Variants in PACRG observed in about 807,000 individuals in gnomAD.
PACRG encodes parkin coregulated gene protein.
Under a neutral mutation model 29.7 loss-of-function variants are expected in PACRG, and 29 were observed. The ratio of observed to expected loss-of-function variants is 0.98; its 90% CI spans 0.73 to 1.33. The LOEUF (loss-of-function observed/expected upper bound fraction) is 1.33. Ranked by LOEUF, PACRG falls within the 40% of genes most tolerant of loss-of-function variation. The pLI is 0.00. For synonymous variants in PACRG, 116 were observed against 118.7 expected (o/e 0.98, Z 0.15); for missense variants, 279 against 316.2 (o/e 0.88, Z 0.89).
rs536465785 is a variant in PACRG, at chr6:163,242,019, AT to A, written c.614-72801del. ...AATTGCTTTTATCCAAGTTAAAACA[AT>A]TTTTTTAAACCAATGATGTTAGCTG... is the stretch of plus-strand genomic sequence containing the variant. On this transcript the variant is annotated intron_variant, in intron 4 of 4. Coordinates refer to ENST00000366888, the MANE Select transcript of PACRG (RefSeq NM_001080379.2). Among the ~76,000 whole-genome samples the A allele has an allele frequency of 4.1e-3, 626 of 152,292 alleles. 5 individuals are homozygous for A. The highest frequency in any genetic ancestry group is 0.014 in the African/African-American group (600 of 41,572).
intron 4 of PACRG, among the ~76,000 whole-genome samples, chr6:163,142,965 A>G (rs1345632540): frequency 6.6e-6 from 1 of 152,224 alleles, no homozygotes; most frequent in African/African-American, 2.4e-5. Flanking sequence ...GAGACCTGAG[A>G]ACTAAATGCA....
At position 162,959,013 on chromosome 6, in the gene PACRG, C is replaced by T. The variant is rs145612896; in HGVS notation, c.292-103137C>T. Among the ~76,000 whole-genome samples the T allele has an allele frequency of 1.7e-3, 259 of 149,930 alleles. 1 individual carries two copies. The highest frequency in any genetic ancestry group is 5.9e-3 in the African/African-American group (240 of 40,620). On this transcript the variant is annotated intron_variant, in intron 2 of 4. Coordinates refer to ENST00000366888, the MANE Select transcript of PACRG (RefSeq NM_001080379.2). ...GCTCCCTGAATCCTAGAACTCCTGA[C>T]TCAAGCAATCCTGCCTCAGCCTCCG...
chr6:163,035,812 C>CAAAA lies in PACRG; in HGVS notation c.292-26319_292-26316dup, dbSNP rs1156795173. Among the ~76,000 whole-genome samples, 165 of 64,220 alleles carry CAAAA rather than the reference C, an allele frequency of 2.6e-3. 2 individuals carry two copies. The highest frequency in any genetic ancestry group is 8.9e-3 in the African/African-American group (150 of 16,888). 42.1% of individuals were successfully genotyped at this position (64,220 alleles called of 152,430 possible). A position where few individuals can be genotyped will look rare whatever the true frequency, so the allele number is the denominator to read the frequency against. On this transcript the variant is annotated intron_variant, in intron 2 of 4. Transcript: ENST00000366888. ...GGGTGACAAGAGTGAGACTCTGTCTCAAAAAAAAAAAAAAAAAAAAAACAA... is the reference window on the plus strand; with the variant it reads ...GGGTGACAAGAGTGAGACTCTGTCTCAAAAAAAAAAAAAAAAAAAAAAAAAACAA...
At chr6:163,049,906 A>G (rs1250344629) in intron 2 of PACRG, among the ~76,000 whole-genome samples, 2 of 152,084 alleles carry the variant, frequency 1.3e-5, no homozygotes, top group Non-Finnish European at 2.9e-5. Flanking sequence ...ATGTATACCC[A>G]TTGATAAAAC....
chr6:163,012,305 C>A (rs371254582), intron 2 of PACRG, among the ~76,000 whole-genome samples: 31 of 152,284 alleles, frequency 2.0e-4, no homozygotes, highest in African/African-American at 6.7e-4. Context: ...GGAAACTCAG[C>A]ATCTGCAAAG....
At chr6:163,135,735 T>A (rs1373156123) in intron 4 of PACRG, among the ~76,000 whole-genome samples, 1 of 152,206 alleles carries the variant, frequency 6.6e-6, no homozygotes, top group Non-Finnish European at 1.5e-5. Flanking sequence ...TGTGGCCAAA[T>A]GGCTCTCCGA....
chr6:163,291,043 C>T (rs566331096), intron 4 of PACRG, among the ~76,000 whole-genome samples: 2 of 152,208 alleles, frequency 1.3e-5, no homozygotes, highest in African/African-American at 2.4e-5. Context: ...CCTCAAATGC[C>T]GGTGTTCCTG....
intron 4 of PACRG, among the ~76,000 whole-genome samples, chr6:163,135,773 G>A (rs986827746): frequency 5.3e-5 from 8 of 152,206 alleles, no homozygotes; most frequent in African/African-American, 1.9e-4. Context: ...AGTGTGTGAG[G>A]TGCATCGCTC....
At chr6:163,279,229 C>T (rs1784150002) in intron 4 of PACRG, among the ~76,000 whole-genome samples, 1 of 152,082 alleles carries the variant, frequency 6.6e-6, no homozygotes, top group Non-Finnish European at 1.5e-5. Flanking sequence ...GTTCTAGAAG[C>T]TTTTTGGATG....
intron 4 of PACRG, among the ~76,000 whole-genome samples, chr6:163,195,850 C>T (rs1780429927): frequency 6.6e-6 from 1 of 152,214 alleles, no homozygotes; most frequent in Admixed American, 6.5e-5. Context: ...CCCGCGCCCG[C>T]CCCTGGGTGT....
In PACRG at chr6:162,963,113, A is replaced by G. The variant is rs527365236; in HGVS notation, c.292-99037A>G. The stretch of plus-strand genomic sequence containing the variant: ...AATAACTAAAAACTTAGTTATGAAA[A>G]GGAAGGCAAGGTTTTCCATAATTAA... On this transcript the variant is annotated intron_variant, in intron 2 of 4. Coordinates refer to ENST00000366888, the MANE Select transcript of PACRG (RefSeq NM_001080379.2). 1.3e-3 allele frequency among the ~76,000 whole-genome samples: 200 copies of G among 152,342 alleles called. 1 individual carries two copies. Among genetic ancestry groups the G allele is most frequent in the African/African-American group, 4.8e-3 (199 of 41,588 alleles).
intron 2 of PACRG, among the ~76,000 whole-genome samples, chr6:162,912,088 A>C (rs1796339912): frequency 6.6e-6 from 1 of 152,252 alleles, no homozygotes; most frequent in Non-Finnish European, 1.5e-5. Flanking sequence ...CAGAGAGCAC[A>C]GAGGATCTGG....
At chr6:162,883,015 G>A (rs899206805) in intron 2 of PACRG, among the ~76,000 whole-genome samples, 1 of 152,166 alleles carries the variant, frequency 6.6e-6, no homozygotes, top group Non-Finnish European at 1.5e-5. Context: ...GGGGCACCTC[G>A]AGTTCCACTC....
chr6:163,129,775 C>A lies in PACRG; in HGVS notation c.613+40367C>A, dbSNP rs78511272. On this transcript the variant is annotated intron_variant, in intron 4 of 4. Transcript: ENST00000366888. ...CTCAGTTTCCTTCCTACCTCACACT[C>A]AGTTTCCTCCCTCAGTTTCCTCATC... Among the ~76,000 whole-genome samples, 847 of 152,298 alleles carry A rather than the reference C, an allele frequency of 5.6e-3. 10 individuals carry two copies. The highest frequency in any genetic ancestry group is 0.019 in the African/African-American group (807 of 41,556).
At chr6:162,994,181 C>A (rs1286287739) in intron 2 of PACRG, among the ~76,000 whole-genome samples, 1 of 128,996 alleles carries the variant, frequency 7.8e-6, no homozygotes, top group South Asian at 2.6e-4. Flanking sequence ...AACATTTTTT[C>A]CTTCATTTCA....
chr6:162,743,792 A>G (rs1780779123), intron 1 of PACRG, among the ~76,000 whole-genome samples: 1 of 152,202 alleles, frequency 6.6e-6, no homozygotes, highest in African/African-American at 2.4e-5. Context: ...TTGCACGTAT[A>G]TCACCACAAT....
chr6:163,228,001 G>C (rs1781872446), intron 4 of PACRG, among the ~76,000 whole-genome samples: 1 of 152,168 alleles, frequency 6.6e-6, no homozygotes, highest in Non-Finnish European at 1.5e-5. Flanking sequence ...GGCAGTGTTG[G>C]TGAAAAACCA....
At chr6:163,297,831 C>T (rs987111138) in intron 4 of PACRG, among the ~76,000 whole-genome samples, 3 of 152,164 alleles carry the variant, frequency 2.0e-5, no homozygotes, top group Non-Finnish European at 4.4e-5. Flanking sequence ...GGTGGGTGTG[C>T]AGTCATAAGG....
chr6:163,312,060 G>A (rs978061656), intron 4 of PACRG, among the ~76,000 whole-genome samples: 8 of 152,164 alleles, frequency 5.3e-5, no homozygotes, highest in Admixed American at 5.2e-4. Context: ...CTTGATCACA[G>A]CAGCCACAAC....
Sources: allele counts gnomAD v4.1 joint callset (sites outside exome capture counted in the v4.1 genomes callset), GRCh38; gene constraint gnomAD v4.1.1; transcripts MANE v1.5; gene names NCBI Gene and HGNC (gene_info 2026-07-23, HGNC 2026-07-21).